Variants in DLGAP3 observed in about 807,000 individuals in gnomAD.
DLGAP3 encodes the protein DLG associated protein 3.
Under a neutral mutation model 81.2 loss-of-function variants are expected in DLGAP3, and 17 were observed. The ratio of observed to expected loss-of-function variants is 0.21; its 90% CI spans 0.14 to 0.31. The LOEUF (loss-of-function observed/expected upper bound fraction) is 0.31. Among genes scored for constraint, DLGAP3 ranks in the 10% least tolerant of loss-of-function variants. DLGAP3 has a pLI of 1.00. For missense variants in DLGAP3, 1,124 were observed against 1,388.0 expected (o/e 0.81, Z 3.02); for synonymous variants, 577 against 587.4 (o/e 0.98, Z 0.26).
rs764770295 is a variant in DLGAP3, at chr1:34,868,924, G to A, written c.2166C>T (p.Ala722=). The A allele has an allele frequency of 1.9e-6, 3 of 1,608,740 alleles. No individual in the cohort carries two copies. The Admixed American group carries it at 5.0e-5, about 27-fold the overall frequency. ...CCGTGCGGAAGACTGAGTAGGTGGGGGCCCGGGGCCCAGGCTGGGGCTCAG... is the reference window on the plus strand; with the variant it reads ...CCGTGCGGAAGACTGAGTAGGTGGGAGCCCGGGGCCCAGGCTGGGGCTCAG... ...HASEPQPGPR[A]PTYSVFRTVH... The change falls in exon 9 of 12, where the codon GCC becomes GCT. Residue 722 remains alanine (A), a synonymous_variant. Coordinates refer to ENST00000373347, the MANE Select transcript of DLGAP3 (RefSeq NM_001080418.3). This position sits in a 1 kb window ranked among gnomAD's most constrained non-coding sequence, Gnocchi z 7.5.
At chr1:34,891,125 TC>T (rs1451398487) in intron 5 of DLGAP3, among the ~76,000 whole-genome samples, 9 of 152,262 alleles carry the variant, frequency 5.9e-5, no homozygotes, top group African/African-American at 2.2e-4. Context: ...ACTCTGCAAA[TC>T]AATCAAAGAC....
In DLGAP3 at chr1:34,868,337, T is replaced by C. The variant is rs1054800438; in HGVS notation, c.2485+268A>G. Among the ~76,000 whole-genome samples, 1 of 152,238 alleles carries C rather than the reference T, an allele frequency of 6.6e-6. No homozygotes were observed. Among genetic ancestry groups the C allele is most frequent in the Admixed American group, 6.5e-5 (1 of 15,290 alleles). On this transcript the variant is annotated intron_variant, in intron 9 of 11. Coordinates refer to ENST00000373347, the MANE Select transcript of DLGAP3 (RefSeq NM_001080418.3). This position sits in a 1 kb window ranked among gnomAD's most constrained non-coding sequence, Gnocchi z 7.5. Reference sequence around the variant, plus strand: ...GGTGATTTGGACTAGCAGCCATCCATAGAAGGCCCAGCCCTTTGGCCTGCA... The same window carrying C: ...GGTGATTTGGACTAGCAGCCATCCACAGAAGGCCCAGCCCTTTGGCCTGCA...
intron 5 of DLGAP3, 126 bp downstream of exon 5, chr1:34,899,538 TTTCCC>T (rs1639423611): frequency 1.2e-6 from 1 of 845,376 alleles, no homozygotes; most frequent in African/African-American, 1.7e-5. Flanking sequence ...CTAAGGCAGG[TTTCCC>T]AGTTTCCCCA....
chr1:34,904,164 A>G lies in DLGAP3; in HGVS notation c.1107+113T>C. 7.5e-7 allele frequency: 1 copy of G among 1,328,772 alleles called. No homozygotes were observed. Among genetic ancestry groups the G allele is most frequent in the Non-Finnish European group, 1.1e-6 (1 of 935,502 alleles). 82.3% of individuals were successfully genotyped at this position (1,328,772 alleles called of 1,614,324 possible). On this transcript the variant is annotated intron_variant, in intron 3 of 11. Transcript: ENST00000373347. This position sits in a 1 kb window ranked among gnomAD's most constrained non-coding sequence, Gnocchi z 8.1. ...GGCAGGGCAGAGCCTCCCTACACCC[A>G]GGCCCTCCATCACAGGGACAGCTGG...
chr1:34,904,868 G>A lies in DLGAP3; in HGVS notation c.516C>T (p.His172=). Residue 172 remains histidine, a synonymous_variant, in exon 3 of 12, where the codon CAC becomes CAT. Coordinates refer to ENST00000373347, the MANE Select transcript of DLGAP3 (RefSeq NM_001080418.3). This position sits in a 1 kb window ranked among gnomAD's most constrained non-coding sequence, Gnocchi z 8.1. ...PRSESPSRIR[H]LVHSVQKLFA... ...AGAGCTTCTGCACAGAATGAACCAG[G>A]TGCCGGATGCGGCTAGGGCTCTCAC... 2 of 1,610,328 alleles carry A rather than the reference G, an allele frequency of 1.2e-6. No individual in the cohort carries two copies. Among genetic ancestry groups the A allele is most frequent in the South Asian group, 2.2e-5 (2 of 91,092 alleles).
intron 5 of DLGAP3, among the ~76,000 whole-genome samples, chr1:34,886,621 C>T (rs1367860668): frequency 1.3e-5 from 2 of 151,778 alleles, no homozygotes; most frequent in South Asian, 4.2e-4. Flanking sequence ...AGTCCCATCC[C>T]CTGACGTTTC....
intron 8 of DLGAP3, among the ~76,000 whole-genome samples, chr1:34,880,189 A>G (rs1639124980): frequency 6.6e-6 from 1 of 152,062 alleles, no homozygotes; most frequent in Non-Finnish European, 1.5e-5. Context: ...CAGGAGCTGG[A>G]ACTACAGATG....
At chr1:34,912,465 T>C (rs1443974598) in intron 1 of DLGAP3, among the ~76,000 whole-genome samples, 1 of 152,160 alleles carries the variant, frequency 6.6e-6, no homozygotes, top group African/African-American at 2.4e-5. Context: ...CCCCAGGAAG[T>C]TGTCTGGGAG....
At chr1:34,906,359 G>A (rs1055385704) in intron 2 of DLGAP3, among the ~76,000 whole-genome samples, 38 of 151,838 alleles carry the variant, frequency 2.5e-4, no homozygotes, top group African/African-American at 8.2e-4. Context: ...CAAGAGCCAG[G>A]CCTCAGGGTC....
At chr1:34,884,866 C>T (rs1639193815) in intron 8 of DLGAP3, 112 bp downstream of exon 8, 2 of 870,458 alleles carry the variant, frequency 2.3e-6, no homozygotes, top group Non-Finnish European at 1.9e-6. Context: ...AAGGCTTGGT[C>T]TCACTTCCAG....
intron 1 of DLGAP3, among the ~76,000 whole-genome samples, chr1:34,916,568 T>C (rs922971535): frequency 1.3e-5 from 2 of 152,220 alleles, no homozygotes; most frequent in Non-Finnish European, 2.9e-5. Context: ...CAAGGTCACA[T>C]AGATGGTGGA....
intron 1 of DLGAP3, among the ~76,000 whole-genome samples, chr1:34,907,822 T>G (rs1639579226): frequency 2.6e-5 from 4 of 152,180 alleles, no homozygotes; most frequent in South Asian, 2.1e-4. Context: ...GTGGTCCCTG[T>G]CCTCGAGGGG....
Position 34,868,865 on chromosome 1 carries a change from C to T in DLGAP3, c.2225G>A (p.Gly742Asp). 6 of 1,591,286 alleles carry T rather than the reference C, an allele frequency of 3.8e-6. No homozygotes were observed. The highest frequency in any genetic ancestry group is 5.1e-6 in the Non-Finnish European group (6 of 1,173,080). ...CGGCGGCTCGTACGGCAGTGGGTAG[C>T]CCTCGCGGTAGGCCCACTGGCCCTG... ...HTQGQWAYRE[G>D]YPLPYEPPAT... The change falls in exon 9 of 12, where the codon GGC becomes GAC. Residue 742 changes from glycine (G) to aspartate (D), a missense_variant. Transcript: ENST00000373347. This position sits in a 1 kb window ranked among gnomAD's most constrained non-coding sequence, Gnocchi z 7.5.
At chr1:34,918,211 A>G (rs886365875) in intron 1 of DLGAP3, among the ~76,000 whole-genome samples, 1 of 152,194 alleles carries the variant, frequency 6.6e-6, no homozygotes, top group African/African-American at 2.4e-5. Context: ...GCTTGGGAAG[A>G]CAGCCTGCCA....
intron 5 of DLGAP3, among the ~76,000 whole-genome samples, chr1:34,896,048 A>G (rs1243270408): frequency 6.6e-6 from 1 of 152,218 alleles, no homozygotes; most frequent in African/African-American, 2.4e-5. Flanking sequence ...CTTGCATTAG[A>G]CAAAGATTTC....
At chr1:34,913,919 T>C (rs931185411) in intron 1 of DLGAP3, among the ~76,000 whole-genome samples, 6 of 152,172 alleles carry the variant, frequency 3.9e-5, no homozygotes, top group South Asian at 4.1e-4. Context: ...AAGATGGTTC[T>C]TTTCCAGTTG....
chr1:34,880,817 C>G (rs1395577170), intron 8 of DLGAP3, among the ~76,000 whole-genome samples: 1 of 152,098 alleles, frequency 6.6e-6, no homozygotes, highest in Non-Finnish European at 1.5e-5. Flanking sequence ...TCTTATGTTT[C>G]TTTTTTAAAT....
At chr1:34,879,099 G>T (rs1639104174) in intron 8 of DLGAP3, among the ~76,000 whole-genome samples, 1 of 151,104 alleles carries the variant, frequency 6.6e-6, no homozygotes, top group Admixed American at 6.6e-5. Context: ...AAAAATTCCA[G>T]AAGCTGCGGG....
At chr1:34,926,720 T>C (rs955678575) in intron 1 of DLGAP3, among the ~76,000 whole-genome samples, 1 of 152,180 alleles carries the variant, frequency 6.6e-6, no homozygotes, top group African/African-American at 2.4e-5. Context: ...GGCCCCTTGC[T>C]GAATTTCAGT....
Sources: allele counts gnomAD v4.1 joint callset (sites outside exome capture counted in the v4.1 genomes callset), GRCh38; gene constraint gnomAD v4.1.1; non-coding constraint Gnocchi (gnomAD v3.1); transcripts MANE v1.5; gene names NCBI Gene and HGNC (gene_info 2026-07-23, HGNC 2026-07-21).